Variants in ARHGEF17 observed in about 807,000 individuals in gnomAD.
ARHGEF17 encodes 164 kDa Rho-specific guanine-nucleotide exchange factor.
ARHGEF17 carries 80 observed loss-of-function variants against 174.0 expected under a neutral mutation model. That is an observed-to-expected ratio of 0.46 (90% CI 0.38 to 0.55). ARHGEF17 has a LOEUF of 0.55. Among genes scored for constraint, ARHGEF17 ranks in the 20% least tolerant of loss-of-function variants. ARHGEF17 has a pLI of 0.00. For synonymous variants in ARHGEF17, 1,311 were observed against 1,189.1 expected, an observed-to-expected ratio of 1.10 and a Z score of -2.11; for missense variants, 2,886 against 2,839.7, an observed-to-expected ratio of 1.02 and a Z score of -0.37.
At chr11:73,352,411 T>A (rs1288462360) in intron 2 of ARHGEF17, among the ~76,000 whole-genome samples, 3 of 152,170 alleles carry the variant, frequency 2.0e-5, no homozygotes, top group Non-Finnish European at 4.4e-5. Flanking sequence ...GATCCTAAGC[T>A]CTATCAGGAC....
chr11:73,360,514 T>G lies in ARHGEF17; in HGVS notation c.4401T>G (p.Asp1467Glu). The G allele has an allele frequency of 1.2e-6, 2 of 1,613,902 alleles. No individual in the cohort carries two copies. The highest frequency in any genetic ancestry group is 8.5e-7 in the Non-Finnish European group (1 of 1,180,048). The change falls in exon 11 of 21, where the codon GAT becomes GAG. Residue 1467 changes from aspartate to glutamate, a missense_variant. Physicochemically the swap from Asp to Glu is conservative, Grantham distance 45. This residue lies in a region of ARHGEF17 where 476 missense variants were observed against 473.1 expected (regional missense o/e 1.01). Transcript: ENST00000263674. ...DARLGFEQAFDEAKRKLASSK... is the reference protein window; with the variant it reads ...DARLGFEQAFEEAKRKLASSK... ...GCCTTGGTTTTGAACAGGCCTTCGA[T>G]GAGGCCAAGAGGAAGCTGGGTAAGC... is the stretch of plus-strand genomic sequence containing the variant.
At chr11:73,330,345 A>G (rs1028478667) in intron 1 of ARHGEF17, among the ~76,000 whole-genome samples, 3 of 152,234 alleles carry the variant, frequency 2.0e-5, no homozygotes, top group Non-Finnish European at 2.9e-5. Flanking sequence ...TTCCCACTCC[A>G]AGATTATAAA....
At chr11:73,329,666 C>G (rs983424205) in intron 1 of ARHGEF17, among the ~76,000 whole-genome samples, 2 of 152,078 alleles carry the variant, frequency 1.3e-5, no homozygotes, top group African/African-American at 2.4e-5. Context: ...TCCCAAAGTG[C>G]TGGGATTACA....
intron 2 of ARHGEF17, among the ~76,000 whole-genome samples, chr11:73,349,779 G>A (rs1865523188): frequency 6.6e-6 from 1 of 152,244 alleles, no homozygotes; most frequent in South Asian, 2.1e-4. Flanking sequence ...ACTTGGGAGA[G>A]GGTGCAGGAC....
chr11:73,368,080 A>G lies in ARHGEF17; in HGVS notation c.*300A>G, dbSNP rs1865872429. On this transcript the variant is annotated 3_prime_UTR_variant, in exon 21 of 21. Coordinates refer to ENST00000263674, the MANE Select transcript of ARHGEF17 (RefSeq NM_014786.4). ...CTACCAAAGACACAGCTGGGTCTGG[A>G]CCCCACGGGGCTGGGGAGGGCCATG... The G allele has an allele frequency of 2.9e-6, 1 of 345,460 alleles. No individual in the cohort carries two copies. The highest frequency in any genetic ancestry group is 5.4e-6 in the Non-Finnish European group (1 of 186,714). The allele number at this position is 345,460 out of a possible 1,614,324, so 21.4% of individuals were successfully genotyped here.
At chr11:73,317,035 G>A (rs1003205677) in intron 1 of ARHGEF17, among the ~76,000 whole-genome samples, 7 of 152,296 alleles carry the variant, frequency 4.6e-5, no homozygotes, top group African/African-American at 1.7e-4. Context: ...CTTCTCACAT[G>A]GCTGGGCAGT....
At chr11:73,346,384 A>T (rs987991034) in intron 1 of ARHGEF17, among the ~76,000 whole-genome samples, 1 of 152,176 alleles carries the variant, frequency 6.6e-6, no homozygotes, top group Non-Finnish European at 1.5e-5. Flanking sequence ...TCTGGTCCAC[A>T]GTGTCTTCCT....
rs1395792852 is a variant in ARHGEF17 at position 73,323,633 on chromosome 11, C to T, written c.3192+11803C>T. On this transcript the variant is annotated intron_variant, in intron 1 of 20. Coordinates refer to ENST00000263674, the MANE Select transcript of ARHGEF17 (RefSeq NM_014786.4). ...CCTCCCAGCTCCTGCCGCTCCTGGG[C>T]CCCTCCTCCCCTCTGGCCTGGACCC... is the stretch of plus-strand genomic sequence containing the variant. Among the ~76,000 whole-genome samples, 4 of 152,344 alleles carry T rather than the reference C, an allele frequency of 2.6e-5. No homozygotes were observed. The East Asian group carries it at 7.7e-4, about 29-fold the overall frequency.
intron 15 of ARHGEF17, 92 bp from the exon 16 acceptor site, chr11:73,363,652 TGAA>T: frequency 6.5e-7 from 1 of 1,539,138 alleles, no homozygotes; most frequent in Admixed American, 1.7e-5. Flanking sequence ...CACCCAGCAT[TGAA>T]GACGTGGTGC....
chr11:73,337,372 C>A (rs183168950), intron 1 of ARHGEF17, among the ~76,000 whole-genome samples: 253 of 150,480 alleles, frequency 1.7e-3, no homozygotes, highest in African/African-American at 6.0e-3. Context: ...CCACTACACT[C>A]CAGCCTGGGT....
At chr11:73,311,897 A>G (rs924641053) in intron 1 of ARHGEF17, 67 bp downstream of exon 1, 8 of 1,506,968 alleles carry the variant, frequency 5.3e-6, no homozygotes, top group Non-Finnish European at 6.2e-6. Flanking sequence ...CTTCGGTTGG[A>G]GCCTTTTGCA....
chr11:73,364,067 T>C (rs992700830), intron 16 of ARHGEF17, 105 bp from the exon 17 acceptor site: 1 of 1,236,536 alleles, frequency 8.1e-7, no homozygotes. Flanking sequence ...TGGGAAGAGG[T>C]GGCCTCTCGG....
At position 73,352,943 on chromosome 11, in the gene ARHGEF17, G is replaced by A. The variant is rs1565204517; in HGVS notation, c.3384G>A (p.Leu1128=). 6.2e-7 allele frequency: 1 copy of A among 1,614,040 alleles called. No individual in the cohort carries two copies. The highest frequency in any genetic ancestry group is 8.5e-7 in the Non-Finnish European group (1 of 1,180,046). ...PELLEHHEQF[L]EQVRHCMQTW... ...TCCTGGAGCACCACGAGCAATTCCT[G>A]GAGCAGGTTCGGCACTGCATGCAGA... The change falls in exon 3 of 21, where the codon CTG becomes CTA. Residue 1128 remains leucine (L), a synonymous_variant. Transcript: ENST00000263674.
Position 73,355,847 on chromosome 11 carries a change from T to A in ARHGEF17, c.3571-14T>A, listed in dbSNP as rs1394755211. The A allele has an allele frequency of 6.2e-7, 1 of 1,614,002 alleles. No homozygotes were observed. Among genetic ancestry groups the A allele is most frequent in the African/African-American group, 1.3e-5 (1 of 74,934 alleles). Reference sequence around the variant, plus strand: ...CATGTCATTCCTCACATGATGCCCATCCATGGGTTTCAGCAAAGCATGCGT... The same window carrying A: ...CATGTCATTCCTCACATGATGCCCAACCATGGGTTTCAGCAAAGCATGCGT... On this transcript the variant is annotated splice_polypyrimidine_tract_variant and intron_variant, in intron 4 of 20. Transcript: ENST00000263674.
chr11:73,320,660 GA>G (rs377690694), intron 1 of ARHGEF17, among the ~76,000 whole-genome samples: 7,094 of 140,466 alleles, frequency 0.051, 748 homozygotes, highest in African/African-American at 0.19. Flanking sequence ...AGATGATGAT[GA>G]TTTTTTTTTT....
chr11:73,324,727 C>A (rs1010884073), intron 1 of ARHGEF17, among the ~76,000 whole-genome samples: 2 of 152,220 alleles, frequency 1.3e-5, no homozygotes, highest in African/African-American at 4.8e-5. Flanking sequence ...GCAGTGCCAT[C>A]ATCAAGGTGG....
chr11:73,356,836 T>C, intron 7 of ARHGEF17, 77 bp downstream of exon 7: 1 of 1,595,152 alleles, frequency 6.3e-7, no homozygotes, highest in Admixed American at 1.7e-5. Flanking sequence ...ACCCTCTACC[T>C]GCAGGTCTCC....
chr11:73,312,327 ATGTGTTCC>A (rs767000031), intron 1 of ARHGEF17, among the ~76,000 whole-genome samples: 9 of 152,018 alleles, frequency 5.9e-5, no homozygotes, highest in Non-Finnish European at 1.0e-4. Context: ...CAGAATATAG[ATGTGTTCC>A]TGGGCCTGGG....
At position 73,355,546 on chromosome 11, in the gene ARHGEF17, T is replaced by A. The variant is rs1296573154; in HGVS notation, c.3467T>A (p.Val1156Asp). Residue 1156 changes from valine (V) to aspartate (D), a missense_variant, in exon 4 of 21, where the codon GTC (valine) becomes GAC (aspartate). By Grantham distance (152) the Val-to-Asp change is radical. This residue lies in a region of ARHGEF17 where 353 missense variants were observed against 470.3 expected (regional missense o/e 0.75). Transcript: ENST00000263674. The part of the protein sequence containing the change: ...ALLVQSFSKD[V>D]LVNIYSAYID... ...CCTCCTCCACAGTTCTCCAAGGATG[T>A]CCTAGTAAACATCTATTCTGCCTAT... The A allele has an allele frequency of 1.2e-6, 2 of 1,613,856 alleles. No individual in the cohort carries two copies. The highest frequency in any genetic ancestry group is 2.2e-5 in the South Asian group (2 of 91,068).
Sources: allele counts gnomAD v4.1 joint callset (sites outside exome capture counted in the v4.1 genomes callset), GRCh38; gene constraint gnomAD v4.1.1; regional missense constraint gnomAD v4.1.1; transcripts MANE v1.5; gene names NCBI Gene and HGNC (gene_info 2026-07-23, HGNC 2026-07-21).